Variants in TNR observed in about 807,000 individuals in gnomAD.
The protein encoded by TNR is tenascin-R.
TNR carries 45 observed loss-of-function variants against 150.4 expected under a neutral mutation model. That is an observed-to-expected ratio of 0.30 (90% CI 0.24 to 0.38). TNR has a LOEUF of 0.38. Ranked by LOEUF, TNR falls within the 10% of genes least tolerant of loss-of-function variation. The pLI, the probability that TNR is intolerant of heterozygous loss-of-function variation, is 1.00. For synonymous variants in TNR, 687 were observed against 678.4 expected (o/e 1.01, Z -0.20); for missense variants, 1,544 against 1,759.1 (o/e 0.88, Z 2.19).
At chr1:175,676,029 T>G (rs937666972) in intron 1 of TNR, among the ~76,000 whole-genome samples, 1 of 152,162 alleles carries the variant, frequency 6.6e-6, no homozygotes, top group Non-Finnish European at 1.5e-5. Context: ...GGTGCCATAG[T>G]AACTGCTGGG....
At chr1:175,608,518 A>C (rs1663484922) in intron 1 of TNR, among the ~76,000 whole-genome samples, 1 of 152,240 alleles carries the variant, frequency 6.6e-6, no homozygotes, top group Non-Finnish European at 1.5e-5. Context: ...ATAAGATATA[A>C]GGCAAAAGGC....
rs771149291 is a variant in TNR at position 175,399,686 on chromosome 1, C to T, written c.977-2879G>A. ...CTCATGCCTTAATTCAATGAATTCACGGTGGGTGCAAAGTATTCTTAGCCT... is the reference window on the plus strand; with the variant it reads ...CTCATGCCTTAATTCAATGAATTCATGGTGGGTGCAAAGTATTCTTAGCCT... On this transcript the variant is annotated intron_variant, in intron 4 of 22. Coordinates refer to ENST00000367674, the MANE Select transcript of TNR (RefSeq NM_003285.3). 1.3e-4 allele frequency among the ~76,000 whole-genome samples: 20 copies of T among 152,232 alleles called. 2 individuals are homozygous for T. Among genetic ancestry groups the T allele is most frequent in the Middle Eastern group, 3.4e-3 (1 of 294 alleles).
intron 1 of TNR, among the ~76,000 whole-genome samples, chr1:175,661,345 T>C (rs1282710574): frequency 6.6e-6 from 1 of 152,226 alleles, no homozygotes; most frequent in Non-Finnish European, 1.5e-5. Context: ...GAGCTTATGA[T>C]AAATGATAAA....
intron 1 of TNR, among the ~76,000 whole-genome samples, chr1:175,529,606 A>C (rs941116072): frequency 6.6e-6 from 1 of 152,168 alleles, no homozygotes; most frequent in African/African-American, 2.4e-5. Flanking sequence ...TCCAATTCTA[A>C]TCTGGCTGCT....
At chr1:175,479,331 G>A (rs1415577473) in intron 2 of TNR, among the ~76,000 whole-genome samples, 1 of 152,146 alleles carries the variant, frequency 6.6e-6, no homozygotes, top group African/African-American at 2.4e-5. Flanking sequence ...CATTCAGAGG[G>A]CCCTCCCAGG....
chr1:175,611,006 C>T (rs536185231), intron 1 of TNR, among the ~76,000 whole-genome samples: 1 of 152,208 alleles, frequency 6.6e-6, no homozygotes, highest in East Asian at 1.9e-4. Flanking sequence ...GGAAATCTAA[C>T]CTGTCCGGAT....
chr1:175,331,620 C>T (rs1035793489), intron 20 of TNR, among the ~76,000 whole-genome samples: 3 of 152,114 alleles, frequency 2.0e-5, no homozygotes, highest in Non-Finnish European at 4.4e-5. Context: ...TGCCCTGGGA[C>T]TCTCCAATTT....
At chr1:175,443,523 A>G (rs370579917) in intron 2 of TNR, among the ~76,000 whole-genome samples, 1 of 152,138 alleles carries the variant, frequency 6.6e-6, no homozygotes, top group African/African-American at 2.4e-5. Context: ...TTGGGACTGT[A>G]GGGGATACTG....
intron 2 of TNR, among the ~76,000 whole-genome samples, chr1:175,421,860 A>G (rs1441525769): frequency 6.6e-6 from 1 of 152,184 alleles, no homozygotes; most frequent in South Asian, 2.1e-4. Flanking sequence ...CCCTGTCCCA[A>G]TATGCATGTG....
At chr1:175,334,602 T>A (rs1456263156) in intron 20 of TNR, among the ~76,000 whole-genome samples, 1 of 152,164 alleles carries the variant, frequency 6.6e-6, no homozygotes, top group Admixed American at 6.5e-5. Flanking sequence ...CCTGGACCAG[T>A]GACACATGAC....
chr1:175,522,170 C>T (rs1001744245), intron 2 of TNR, among the ~76,000 whole-genome samples: 2 of 152,190 alleles, frequency 1.3e-5, no homozygotes, highest in East Asian at 3.8e-4. Flanking sequence ...CACTCGAAGC[C>T]ACTGCTTAAG....
At chr1:175,359,162 T>TTTTTTTTTTTTTTTTTTTTG (rs1651472242) in intron 15 of TNR, among the ~76,000 whole-genome samples, 1 of 141,432 alleles carries the variant, frequency 7.1e-6, no homozygotes, top group Non-Finnish European at 1.5e-5. Context: ...TTTTTTTTTT[T>TTTTTTTTTTTTTTTTTTTTG]TTAGATGGAG....
intron 2 of TNR, among the ~76,000 whole-genome samples, chr1:175,426,543 A>C (rs1327870385): frequency 6.6e-6 from 1 of 152,070 alleles, no homozygotes; most frequent in East Asian, 1.9e-4. Context: ...GACCTGATGC[A>C]TCTCTGAATC....
intron 2 of TNR, among the ~76,000 whole-genome samples, chr1:175,508,164 G>A (rs1346082019): frequency 6.6e-6 from 1 of 151,990 alleles, no homozygotes; most frequent in Non-Finnish European, 1.5e-5. Context: ...ATGTATGTGG[G>A]GCTTAAAACC....
chr1:175,616,200 T>A (rs1663767919), intron 1 of TNR, among the ~76,000 whole-genome samples: 1 of 152,186 alleles, frequency 6.6e-6, no homozygotes, highest in African/African-American at 2.4e-5. Flanking sequence ...AAGTATTCTC[T>A]GGGGGATGCA....
chr1:175,653,084 G>A lies in TNR; in HGVS notation c.-165+90142C>T, dbSNP rs916901914. On this transcript the variant is annotated intron_variant, in intron 1 of 22. Transcript: ENST00000367674. Reference sequence around the variant, plus strand: ...TGGACTCCTATGGGAAGCGTAAAGGGCACAGCGACTCTGGAGAACAACTGC... The same window carrying A: ...TGGACTCCTATGGGAAGCGTAAAGGACACAGCGACTCTGGAGAACAACTGC... Among the ~76,000 whole-genome samples, 3 of 152,208 alleles carry A rather than the reference G, an allele frequency of 2.0e-5. No homozygotes were observed. In the East Asian group the frequency reaches 5.8e-4, roughly 29 times the overall value.
At chr1:175,384,801 C>T (rs780896179) in intron 8 of TNR, among the ~76,000 whole-genome samples, 4 of 152,212 alleles carry the variant, frequency 2.6e-5, no homozygotes, top group Non-Finnish European at 5.9e-5. Flanking sequence ...CCACAGTGGC[C>T]ATCCAGTTTG....
At chr1:175,675,882 A>G (rs1257461472) in intron 1 of TNR, among the ~76,000 whole-genome samples, 1 of 152,120 alleles carries the variant, frequency 6.6e-6, no homozygotes, top group Non-Finnish European at 1.5e-5. Flanking sequence ...GACTCTAGGC[A>G]ATGAAAGATG....
At chr1:175,511,332 G>A (rs979389529) in intron 2 of TNR, among the ~76,000 whole-genome samples, 3 of 152,130 alleles carry the variant, frequency 2.0e-5, no homozygotes, top group African/African-American at 7.2e-5. Flanking sequence ...TTTATGTCAG[G>A]CAACTGTCAT....
Sources: allele counts gnomAD v4.1 joint callset (sites outside exome capture counted in the v4.1 genomes callset), GRCh38; gene constraint gnomAD v4.1.1; transcripts MANE v1.5; gene names NCBI Gene and HGNC (gene_info 2026-07-23, HGNC 2026-07-21).